ABRAXAS2: variants seen among roughly 807,000 people sequenced by gnomAD.
The protein encoded by ABRAXAS2 is abraxas 2, BRISC complex subunit.
Under a neutral mutation model 49.0 loss-of-function variants are expected in ABRAXAS2, and 23 were observed. The observed-to-expected ratio is 0.47, with a 90% CI of 0.34 to 0.66. The LOEUF (loss-of-function observed/expected upper bound fraction) is 0.66. Among genes scored for constraint, ABRAXAS2 ranks in the 30% least tolerant of loss-of-function variants. The probability of loss-of-function intolerance (pLI) is 0.01; values close to 1 mark genes in which losing one functional copy is unlikely to be tolerated. For synonymous variants in ABRAXAS2, 168 were observed against 180.2 expected, an observed-to-expected ratio of 0.93 and a Z score of 0.54; for missense variants, 443 against 511.9, an observed-to-expected ratio of 0.87 and a Z score of 1.30.
chr10:124,825,906 C>T (rs537351093), intron 4 of ABRAXAS2, among the ~76,000 whole-genome samples: 1 of 152,250 alleles, frequency 6.6e-6, no homozygotes, highest in East Asian at 1.9e-4. Flanking sequence ...GGGATGGGGT[C>T]CAGGAATCTG....
In ABRAXAS2 at chr10:124,830,517, A is replaced by C. The variant is rs139988366; in HGVS notation, c.664-832A>C. On this transcript the variant is annotated intron_variant, in intron 7 of 8. Coordinates refer to ENST00000298492, the MANE Select transcript of ABRAXAS2 (RefSeq NM_032182.4). ...GGAATGAAGACAGATACTGAAAAAG[A>C]GGAAAACAGGCTGAGTTCAGCCTGG... Among the ~76,000 whole-genome samples the C allele has an allele frequency of 5.5e-3, 835 of 152,296 alleles. 6 individuals are homozygous for C. The highest frequency in any genetic ancestry group is 0.016 in the African/African-American group (683 of 41,568).
chr10:124,804,479 G>T (rs1950727076), intron 1 of ABRAXAS2, among the ~76,000 whole-genome samples: 1 of 152,112 alleles, frequency 6.6e-6, no homozygotes, highest in African/African-American at 2.4e-5. Context: ...AAAGTTCTGT[G>T]TGAATATGAA....
chr10:124,809,131 C>T (rs1023681827), intron 2 of ABRAXAS2, among the ~76,000 whole-genome samples: 1 of 149,358 alleles, frequency 6.7e-6, no homozygotes, highest in Non-Finnish European at 1.5e-5. Flanking sequence ...AACTCTGTCT[C>T]AAAAAAGAAA....
At position 124,835,067 on chromosome 10, in the gene ABRAXAS2, A is replaced by C; in HGVS notation, c.*96A>C. The C allele has an allele frequency of 2.3e-5, 21 of 913,202 alleles. No homozygotes were observed. The highest frequency in any genetic ancestry group is 3.4e-4 in the Middle Eastern group (1 of 2,928). The allele number at this position is 913,202 out of a possible 1,614,324, so 56.6% of individuals were successfully genotyped here. ...AATCTGGGGGGAGAACTGCTTTCTC[A>C]GATACCTTAACTCCCGAGAAGAGAG... On this transcript the variant is annotated 3_prime_UTR_variant, in exon 9 of 9. Coordinates refer to ENST00000298492, the MANE Select transcript of ABRAXAS2 (RefSeq NM_032182.4).
chr10:124,830,795 A>G (rs1950928079), intron 7 of ABRAXAS2, among the ~76,000 whole-genome samples: 1 of 152,258 alleles, frequency 6.6e-6, no homozygotes, highest in Admixed American at 6.5e-5. Flanking sequence ...TTGATTGAAT[A>G]AGGCCTGCTT....
chr10:124,826,924 C>A, intron 5 of ABRAXAS2, 139 bp downstream of exon 5: 1 of 818,786 alleles, frequency 1.2e-6, no homozygotes, highest in Non-Finnish European at 1.9e-6. Flanking sequence ...CCATCCTGGC[C>A]AACATGGTGA....
chr10:124,808,377 C>T (rs564347094), intron 2 of ABRAXAS2, among the ~76,000 whole-genome samples: 1 of 152,150 alleles, frequency 6.6e-6, no homozygotes, highest in African/African-American at 2.4e-5. Context: ...GGGTTTTCAC[C>T]GTGTTAGCCA....
chr10:124,820,617 G>A (rs960971742), intron 4 of ABRAXAS2, among the ~76,000 whole-genome samples: 7 of 151,862 alleles, frequency 4.6e-5, no homozygotes, highest in Non-Finnish European at 8.8e-5. Flanking sequence ...GAGTAGCTGG[G>A]ACTACAGGGG....
intron 1 of ABRAXAS2, among the ~76,000 whole-genome samples, chr10:124,805,123 G>A (rs1378222144): frequency 2.0e-5 from 3 of 152,042 alleles, no homozygotes; most frequent in Non-Finnish European, 4.4e-5. Flanking sequence ...TGTCTTGTCA[G>A]GAGATCGAGA....
At chr10:124,827,898 TA>T (rs1272119378) in intron 5 of ABRAXAS2, among the ~76,000 whole-genome samples, 1 of 152,242 alleles carries the variant, frequency 6.6e-6, no homozygotes, top group Non-Finnish European at 1.5e-5. Flanking sequence ...AAAAGGTTTT[TA>T]TAAGATTTCA....
chr10:124,810,946 G>A (rs1001868249), intron 2 of ABRAXAS2, among the ~76,000 whole-genome samples: 9 of 151,100 alleles, frequency 6.0e-5, no homozygotes, highest in African/African-American at 1.7e-4. Flanking sequence ...ACAGCCGGGC[G>A]TGGTGGCTCA....
rs1713695205 is a variant in ABRAXAS2 at position 124,826,545 on chromosome 10, C to G, written c.268-50C>G. On this transcript the variant is annotated intron_variant, in intron 4 of 8. Transcript: ENST00000298492. ...GCATGTGTGTTTGTATGGATACATT[C>G]AGAATTAAATTTGTAAGATTTCATG... The G allele has an allele frequency of 1.9e-6, 3 of 1,558,010 alleles. No homozygotes were observed. In the South Asian group the frequency reaches 3.5e-5, roughly 18 times the overall value.
At chr10:124,831,757 C>G (rs1470780738) in intron 8 of ABRAXAS2, among the ~76,000 whole-genome samples, 5 of 149,572 alleles carry the variant, frequency 3.3e-5, no homozygotes, top group African/African-American at 9.8e-5. Flanking sequence ...TATATATTGA[C>G]AATCGGACCT....
intron 1 of ABRAXAS2, 112 bp from the exon 2 acceptor site, chr10:124,806,719 C>T: frequency 5.9e-6 from 4 of 674,258 alleles, no homozygotes; most frequent in South Asian, 4.2e-5. Flanking sequence ...ACATGGGAAG[C>T]TTGTTTGGAT....
chr10:124,816,839 A>T (rs904537009), intron 3 of ABRAXAS2, among the ~76,000 whole-genome samples: 3 of 152,218 alleles, frequency 2.0e-5, no homozygotes, highest in Admixed American at 2.0e-4. Flanking sequence ...CTCTCAGCCT[A>T]TCAAGGGCTC....
At chr10:124,805,340 CAAAA>C (rs918638865) in intron 1 of ABRAXAS2, among the ~76,000 whole-genome samples, 1 of 84,766 alleles carries the variant, frequency 1.2e-5, no homozygotes. Flanking sequence ...GACTCCGTCT[CAAAA>C]AAAAAAAAAA....
Position 124,831,557 on chromosome 10 carries a change from C to T in ABRAXAS2, c.778+94C>T, listed in dbSNP as rs189169863. ...ACAATAAATTATGTGCCTCTTTCTA[C>T]GCTCATCCAGTCTCAGATTAGCCTG... On this transcript the variant is annotated intron_variant, in intron 8 of 8. Transcript: ENST00000298492. The T allele has an allele frequency of 6.1e-3, 4,006 of 653,986 alleles. 259 individuals are homozygous for T. The Admixed American group carries it at 0.11, about 18-fold the overall frequency. 40.5% of individuals were successfully genotyped at this position (653,986 alleles called of 1,614,324 possible).
At chr10:124,826,460 T>C in intron 4 of ABRAXAS2, 135 bp from the exon 5 acceptor site, 2 of 743,612 alleles carry the variant, frequency 2.7e-6, no homozygotes, top group South Asian at 3.7e-5. Context: ...CTCCTGCTCA[T>C]GGACGCTTGG....
chr10:124,833,337 C>T (rs1950947581), intron 8 of ABRAXAS2, among the ~76,000 whole-genome samples: 1 of 149,172 alleles, frequency 6.7e-6, no homozygotes, highest in African/African-American at 2.5e-5. Flanking sequence ...TGGTGGCATG[C>T]ACCTCTAGTC....
Sources: gnomAD v4.1 joint callset for allele counts (sites outside exome capture counted in the v4.1 genomes callset) on GRCh38, gnomAD v4.1.1 for gene constraint, MANE v1.5 for transcripts, NCBI Gene and HGNC (gene_info 2026-07-23, HGNC 2026-07-21) for gene names.